GATB: variants seen among roughly 807,000 people sequenced by gnomAD.
The protein encoded by GATB is glutamyl-tRNA(Gln) amidotransferase subunit B, mitochondrial.
GATB carries 39 observed loss-of-function variants against 62.3 expected under a neutral mutation model. The ratio of observed to expected loss-of-function variants is 0.63; its 90% CI spans 0.48 to 0.82. GATB has a LOEUF of 0.82. GATB is among the 40% of genes least tolerant of loss of function. The pLI, the probability that GATB is intolerant of heterozygous loss-of-function variation, is 0.00. For missense variants in GATB, 670 were observed against 684.0 expected (o/e 0.98, Z 0.23); for synonymous variants, 276 against 258.9 (o/e 1.07, Z -0.63).
rs1210427937 is a variant in GATB at position 151,731,494 on chromosome 4, G to C, written c.328-11956C>G. 3.9e-5 allele frequency among the ~76,000 whole-genome samples: 6 copies of C among 152,282 alleles called. No individual in the cohort carries two copies. The East Asian group carries it at 1.2e-3, about 30-fold the overall frequency. On this transcript the variant is annotated intron_variant, in intron 2 of 12. Coordinates refer to ENST00000263985, the MANE Select transcript of GATB (RefSeq NM_004564.3). ...CTCCACCTCCCAGCCGCCTGCCTTG[G>C]CCTCCCAAAGTGCCGAGATTGCAGC... is the stretch of plus-strand genomic sequence containing the variant.
intron 9 of GATB, among the ~76,000 whole-genome samples, chr4:151,700,986 A>T (rs918422547): frequency 1.3e-5 from 2 of 152,098 alleles, no homozygotes; most frequent in African/African-American, 4.8e-5. Context: ...CTATACATTG[A>T]TTTTCTTTTG....
intron 7 of GATB, among the ~76,000 whole-genome samples, chr4:151,704,201 G>A (rs1486454876): frequency 6.6e-6 from 1 of 151,884 alleles, no homozygotes; most frequent in Non-Finnish European, 1.5e-5. Flanking sequence ...AATTCTGAGT[G>A]AGAAAATTAA....
At chr4:151,679,965 C>T in intron 10 of GATB, 74 bp from the exon 11 acceptor site, 5 of 1,335,188 alleles carry the variant, frequency 3.7e-6, no homozygotes, top group South Asian at 3.5e-5. Context: ...TGTTCGGAAT[C>T]AGAACACTTG....
chr4:151,673,030 G>T, intron 11 of GATB, 134 bp from the exon 12 acceptor site: 1 of 1,131,356 alleles, frequency 8.8e-7, no homozygotes, highest in Non-Finnish European at 1.2e-6. Context: ...CCTGGGCCTG[G>T]CCCAAAGGGA....
intron 2 of GATB, among the ~76,000 whole-genome samples, chr4:151,738,414 G>C (rs1739422376): frequency 6.6e-6 from 1 of 152,186 alleles, no homozygotes; most frequent in Non-Finnish European, 1.5e-5. Flanking sequence ...TGCACAAGCT[G>C]TCTTCTCTTG....
intron 11 of GATB, chr4:151,674,842 C>T (rs548051312): frequency 6.6e-6 from 1 of 152,206 alleles, no homozygotes; most frequent in Non-Finnish European, 1.5e-5. Context: ...AGGACTTGCT[C>T]GTGAAAAATC....
chr4:151,705,088 G>A (rs977399525), intron 7 of GATB, 97 bp downstream of exon 7: 2 of 764,980 alleles, frequency 2.6e-6, no homozygotes, highest in Non-Finnish European at 4.6e-6. Flanking sequence ...GAGACGCTAC[G>A]TGCCTCCTTC....
At chr4:151,673,078 C>A in intron 11 of GATB, 182 bp from the exon 12 acceptor site, 1 of 661,042 alleles carries the variant, frequency 1.5e-6, no homozygotes, top group Non-Finnish European at 2.5e-6. Flanking sequence ...GTTGGCTCTC[C>A]TGAGGCATCC....
intron 5 of GATB, among the ~76,000 whole-genome samples, chr4:151,711,812 T>C (rs886648301): frequency 1.3e-5 from 2 of 152,214 alleles, no homozygotes; most frequent in South Asian, 2.1e-4. Context: ...TGAAATCTTA[T>C]TGAGCGACGA....
intron 5 of GATB, among the ~76,000 whole-genome samples, chr4:151,709,711 T>C (rs1404799407): frequency 6.6e-6 from 1 of 152,148 alleles, no homozygotes. Context: ...TAAGAGCACA[T>C]CCTGACTCAA....
Position 151,760,958 on chromosome 4 carries a change from C to G in GATB, c.25G>C (p.Gly9Arg). The G allele has an allele frequency of 6.2e-7, 1 of 1,612,646 alleles. No homozygotes were observed. The highest frequency in any genetic ancestry group is 8.5e-7 in the Non-Finnish European group (1 of 1,179,576). Residue 9 changes from glycine to arginine, a missense_variant, in exon 1 of 13, where the codon GGC becomes CGC. Coordinates refer to ENST00000263985, the MANE Select transcript of GATB (RefSeq NM_004564.3). MAAPMLRW[G>R]CRGRRWAFAR... ...AAAGCCCAACGTCTTCCACGGCAGC[C>G]CCAGCGCAGCATGGGCGCCGCCATT...
intron 2 of GATB, among the ~76,000 whole-genome samples, chr4:151,752,761 T>C (rs907422991): frequency 1.3e-5 from 2 of 152,226 alleles, no homozygotes; most frequent in Non-Finnish European, 2.9e-5. Flanking sequence ...AGTTTTCTTT[T>C]TTATTTTGAG....
In GATB at chr4:151,686,652, G is replaced by GCCCCCC. The variant is rs374250502; in HGVS notation, c.1331+1972_1331+1977dup. ...CTTCTGTGTCACCAGTCCCCGCCCC[G>GCCCCCC]CCCCCCCCCCACCCCCCAGTTTCCT... On this transcript the variant is annotated intron_variant, in intron 10 of 12. Coordinates refer to ENST00000263985, the MANE Select transcript of GATB (RefSeq NM_004564.3). Among the ~76,000 whole-genome samples the GCCCCCC allele has an allele frequency of 1.7e-4, 12 of 70,970 alleles. 1 individual carries two copies. The highest frequency in any genetic ancestry group is 1.6e-4 in the Non-Finnish European group (6 of 36,912). 46.6% of individuals were successfully genotyped at this position (70,970 alleles called of 152,430 possible). A position where few individuals can be genotyped will look rare whatever the true frequency, so the allele number is the denominator to read the frequency against.
chr4:151,688,885 A>G, intron 9 of GATB, 122 bp from the exon 10 acceptor site: 1 of 853,208 alleles, frequency 1.2e-6, no homozygotes. Context: ...TTTCTTTGCT[A>G]AACCCTGAGA....
intron 10 of GATB, among the ~76,000 whole-genome samples, chr4:151,686,645 C>CCGCCG (rs1738252273): frequency 1.4e-5 from 1 of 71,556 alleles, no homozygotes; most frequent in Non-Finnish European, 2.5e-5. Context: ...TCACCAGTCC[C>CCGCCG]CGCCCCGCCC....
Position 151,716,934 on chromosome 4 carries a change from ACT to A in GATB, c.580_581del (p.Ser194TrpfsTer15), listed in dbSNP as rs565910322. On this transcript the variant is annotated frameshift_variant, in exon 4 of 13. Coordinates refer to ENST00000263985, the MANE Select transcript of GATB (RefSeq NM_004564.3). LOFTEE classifies it high-confidence loss of function. ...RIKQIQLEQDSGKSLHDNLRS... is the reference protein window; with the variant it reads ...RIKQIQLEQDXGKSLHDNLRS... ...TCAGGTTGTCGTGGAGGCTTTTGCC[ACT>A]GTCTTGCTCCAACTGGATCTGCTTG... The A allele has an allele frequency of 4.3e-6, 7 of 1,614,068 alleles. No homozygotes were observed. Among genetic ancestry groups the A allele is most frequent in the Non-Finnish European group, 5.9e-6 (7 of 1,180,036 alleles).
intron 2 of GATB, chr4:151,723,660 G>C (rs1200903192): frequency 6.6e-6 from 1 of 152,198 alleles, no homozygotes; most frequent in Non-Finnish European, 1.5e-5. Flanking sequence ...GCAGTCTCTG[G>C]CATGTGGAGT....
chr4:151,722,202 G>T (rs1489293109), intron 2 of GATB: 1 of 702,270 alleles, frequency 1.4e-6, no homozygotes, highest in East Asian at 2.7e-5. Context: ...AATTCAACTT[G>T]GGCTGTCTTC....
intron 2 of GATB, among the ~76,000 whole-genome samples, chr4:151,758,222 G>A (rs1048465613): frequency 6.6e-6 from 1 of 152,034 alleles, no homozygotes; most frequent in Non-Finnish European, 1.5e-5. Context: ...GCTTTGAGTT[G>A]ACTCCTCCTC....
Sources: gnomAD v4.1 joint callset for allele counts (sites outside exome capture counted in the v4.1 genomes callset) on GRCh38, gnomAD v4.1.1 for gene constraint, MANE v1.5 for transcripts, NCBI Gene and HGNC (gene_info 2026-07-23, HGNC 2026-07-21) for gene names.